The following PLEKHB1 variants were observed in gnomAD, a reference collection of about 807,000 sequenced individuals.
PLEKHB1 encodes pleckstrin homology domain-containing family B member 1.
Under a neutral mutation model 36.2 loss-of-function variants are expected in PLEKHB1, and 29 were observed. That is an observed-to-expected ratio of 0.80 (90% CI 0.60 to 1.09). The LOEUF is 1.09. Ranked by LOEUF, PLEKHB1 falls within the 50% of genes least tolerant of loss-of-function variation. The pLI is 0.00. For missense variants in PLEKHB1, 330 were observed against 348.2 expected, an observed-to-expected ratio of 0.95 and a Z score of 0.42; for synonymous variants, 138 against 140.0, an observed-to-expected ratio of 0.99 and a Z score of 0.10.
At position 73,650,645 on chromosome 11, in the gene PLEKHB1, G is replaced by A; in HGVS notation, c.187G>A (p.Glu63Lys). ...YYHDETAQDEEDRVLIHFNVR... is the reference protein window; with the variant it reads ...YYHDETAQDEKDRVLIHFNVR... ...CCACGATGAGACAGCGCAGGACGAG[G>A]AGGACCGTGTGCTCATCCACTTCAA... Residue 63 changes from glutamate (E) to lysine (K), a missense_variant, in exon 3 of 8, where the codon GAG becomes AAG. By Grantham distance (56) the Glu-to-Lys change is moderately conservative. Coordinates refer to ENST00000354190, the MANE Select transcript of PLEKHB1 (RefSeq NM_021200.3). The A allele has an allele frequency of 6.2e-7, 1 of 1,612,278 alleles. No individual in the cohort carries two copies. The highest frequency in any genetic ancestry group is 2.2e-5 in the East Asian group (1 of 44,846).
At chr11:73,656,381 A>G (rs74516242) in intron 6 of PLEKHB1, among the ~76,000 whole-genome samples, 3,703 of 152,266 alleles carry the variant, frequency 0.024, 78 homozygotes, top group Non-Finnish European at 0.04. Flanking sequence ...CGCTGCCTCT[A>G]TGGAACTTGG....
At position 73,647,500 on chromosome 11, in the gene PLEKHB1, G is replaced by C. The variant is rs1341421333; in HGVS notation, c.18+874G>C. 5.3e-6 allele frequency: 5 copies of C among 949,818 alleles called. No homozygotes were observed. In the African/African-American group the frequency reaches 8.8e-5, roughly 17 times the overall value. The allele number at this position is 949,818 out of a possible 1,614,324, so 58.8% of individuals were successfully genotyped here. On this transcript the variant is annotated intron_variant, in intron 1 of 7. Coordinates refer to ENST00000354190, the MANE Select transcript of PLEKHB1 (RefSeq NM_021200.3). ...GGGCTGCTTCTGCCCAGCTCTACAG[G>C]GGTAGACTACAAGTCCCAGTACGCC...
At position 73,655,837 on chromosome 11, in the gene PLEKHB1, G is replaced by T. The variant is rs199504982; in HGVS notation, c.425G>T (p.Arg142Leu). 7 of 1,613,610 alleles carry T rather than the reference G, an allele frequency of 4.3e-6. No homozygotes were observed. The highest frequency in any genetic ancestry group is 1.3e-5 in the African/African-American group (1 of 74,994). Residue 142 changes from arginine to leucine, a missense_variant, in exon 6 of 8, where the codon CGC (arginine) becomes CTC (leucine). Transcript: ENST00000354190. ...GGAGCCACCGTCCCTCCCAGGAGCC[G>T]CCGGGTTTGCTCCAAGGTCAGGTGT... ...PAGATVPPRS[R>L]RVCSKVRCVT...
At chr11:73,652,939 C>A in intron 4 of PLEKHB1, 36 bp from the exon 5 acceptor site, 2 of 1,584,388 alleles carry the variant, frequency 1.3e-6, no homozygotes, top group South Asian at 1.1e-5. Context: ...CACCCCCAAA[C>A]TCCCTCCTCA....
chr11:73,651,858 G>A lies in PLEKHB1; in HGVS notation c.318G>A (p.Leu106=). 1 of 1,613,546 alleles carries A rather than the reference G, an allele frequency of 6.2e-7. No homozygotes were observed. Among genetic ancestry groups the A allele is most frequent in the Non-Finnish European group, 8.5e-7 (1 of 1,179,872 alleles). Residue 106 remains leucine (L), a synonymous_variant, in exon 4 of 8, where the codon CTG becomes CTA. Coordinates refer to ENST00000354190, the MANE Select transcript of PLEKHB1 (RefSeq NM_021200.3). The part of the protein sequence containing the change: ...LTVNLREGGR[L]HLCAETKDDA... The stretch of plus-strand genomic sequence containing the variant: ...TGAACCTACGGGAAGGCGGCCGCCT[G>A]CACCTCTGTGCGGAGACCAAGGATG...
At position 73,660,852 on chromosome 11, in the gene PLEKHB1, G is replaced by A. The variant is rs1483021105; in HGVS notation, c.595G>A (p.Gly199Ser). 6.3e-7 allele frequency: 1 copy of A among 1,584,552 alleles called. No homozygotes were observed. Among genetic ancestry groups the A allele is most frequent in the Admixed American group, 1.8e-5 (1 of 55,764 alleles). Residue 199 changes from glycine to serine, a missense_variant and splice_region_variant, in exon 7 of 8, where the codon GGC (glycine) becomes AGC (serine). Transcript: ENST00000354190. ...VRSYYGPPYA[G>S]PGVTHVIVRE... ...CAGCTACTACGGACCGCCCTACGCA[G>A]GTAAGTCTCCAGCGTGCCCCGGGGC...
chr11:73,658,310 C>T (rs767288908), intron 6 of PLEKHB1, among the ~76,000 whole-genome samples: 8 of 152,200 alleles, frequency 5.3e-5, no homozygotes, highest in Non-Finnish European at 1.2e-4. Context: ...GAGACCTTCC[C>T]CTTACCACCA....
intron 1 of PLEKHB1, chr11:73,648,548 T>A: frequency 1.1e-6 from 1 of 878,456 alleles, no homozygotes; most frequent in Non-Finnish European, 1.4e-6. Flanking sequence ...TTGCCGTGAT[T>A]CTAATATTCT....
At chr11:73,647,542 TC>T (rs1944790656) in intron 1 of PLEKHB1, 2 of 985,402 alleles carry the variant, frequency 2.0e-6, no homozygotes, top group Non-Finnish European at 2.4e-6. Context: ...CAGCATCTCT[TC>T]ACGTCACTCC....
At chr11:73,653,265 GTC>G in intron 5 of PLEKHB1, 1 of 667,702 alleles carries the variant, frequency 1.5e-6, no homozygotes, top group Non-Finnish European at 2.7e-6. Context: ...AGAAGGAACT[GTC>G]TTTTATCGAG....
Position 73,661,670 on chromosome 11 carries a change from C to T in PLEKHB1, c.*68C>T. Reference sequence around the variant, plus strand: ...GACTCCTCTTCCTCCTGGACCCCATCCTCTACCATCCAAGCCCTGTCCCAC... The same window carrying T: ...GACTCCTCTTCCTCCTGGACCCCATTCTCTACCATCCAAGCCCTGTCCCAC... On this transcript the variant is annotated 3_prime_UTR_variant, in exon 8 of 8. Coordinates refer to ENST00000354190, the MANE Select transcript of PLEKHB1 (RefSeq NM_021200.3). The surrounding 1 kb of genome is among the most constrained non-coding windows in gnomAD (Gnocchi z 4.6). The T allele has an allele frequency of 2.0e-6, 3 of 1,503,886 alleles. No individual in the cohort carries two copies. Among genetic ancestry groups the T allele is most frequent in the Non-Finnish European group, 2.7e-6 (3 of 1,130,892 alleles). 93.2% of individuals were successfully genotyped at this position (1,503,886 alleles called of 1,614,324 possible).
At chr11:73,651,435 C>T in intron 3 of PLEKHB1, 1 of 501,528 alleles carries the variant, frequency 2.0e-6, no homozygotes, top group Middle Eastern at 3.1e-4. Context: ...GAGCCAGGCA[C>T]AGTTCCTGCC....
Position 73,652,762 on chromosome 11 carries a change from C to T in PLEKHB1, c.351-213C>T, listed in dbSNP as rs73536618. The T allele has an allele frequency of 4.4e-3, 2,242 of 506,810 alleles. 38 individuals carry two copies. Among genetic ancestry groups the T allele is most frequent in the African/African-American group, 0.039 (2,033 of 51,636 alleles). 31.4% of individuals were successfully genotyped at this position (506,810 alleles called of 1,614,324 possible). A position where few individuals can be genotyped will look rare whatever the true frequency, so the allele number is the denominator to read the frequency against. ...AGGAAACTGGAACTTCTAGAGGGGA[C>T]GAGAAGAATGAATTAGCCTAACTTA... On this transcript the variant is annotated intron_variant, in intron 4 of 7. Transcript: ENST00000354190.
chr11:73,660,877 C>T lies in PLEKHB1; in HGVS notation c.595+25C>T, dbSNP rs546567085. Reference sequence around the variant, plus strand: ...GGTAAGTCTCCAGCGTGCCCCGGGGCTTGCCTCGATCCAGCACCGATTCAG... The same window carrying T: ...GGTAAGTCTCCAGCGTGCCCCGGGGTTTGCCTCGATCCAGCACCGATTCAG... On this transcript the variant is annotated intron_variant, in intron 7 of 7. Coordinates refer to ENST00000354190, the MANE Select transcript of PLEKHB1 (RefSeq NM_021200.3). 2.6e-6 allele frequency: 4 copies of T among 1,558,510 alleles called. No individual in the cohort carries two copies. In the South Asian group the frequency reaches 3.6e-5, roughly 14 times the overall value.
intron 1 of PLEKHB1, 77 bp downstream of exon 1, chr11:73,646,703 G>A: frequency 6.7e-7 from 1 of 1,492,814 alleles, no homozygotes; most frequent in Non-Finnish European, 9.1e-7. Flanking sequence ...GGACGGGACA[G>A]AAGTCTTTTA....
chr11:73,660,514 C>T (rs1485236860), intron 6 of PLEKHB1: 2 of 536,812 alleles, frequency 3.7e-6, no homozygotes, highest in Non-Finnish European at 6.6e-6. Flanking sequence ...AGGTGGGAGG[C>T]CAGAGTTGGA....
chr11:73,653,484 C>G (rs1944938212), intron 5 of PLEKHB1: 1 of 461,018 alleles, frequency 2.2e-6, no homozygotes, highest in Non-Finnish European at 4.3e-6. Context: ...GATATGGGCT[C>G]TGCCCACCTG....
chr11:73,648,844 C>T, intron 1 of PLEKHB1, 168 bp from the exon 2 acceptor site: 1 of 1,386,850 alleles, frequency 7.2e-7, no homozygotes. Context: ...ACAGTGCTCC[C>T]ATTCTCTTCC....
At chr11:73,653,037 CT>C in intron 5 of PLEKHB1, 23 bp downstream of exon 5, 1 of 1,600,680 alleles carries the variant, frequency 6.2e-7, no homozygotes, top group East Asian at 2.2e-5. Flanking sequence ...TTCTCTCCCC[CT>C]TTCCCCACCA....
Sources: gnomAD v4.1 joint callset for allele counts (sites outside exome capture counted in the v4.1 genomes callset) on GRCh38, gnomAD v4.1.1 for gene constraint, Gnocchi (gnomAD v3.1) non-coding constraint, MANE v1.5 for transcripts, NCBI Gene and HGNC (gene_info 2026-07-23, HGNC 2026-07-21) for gene names.